Variants in TBCK observed in about 807,000 individuals in gnomAD.
The protein encoded by TBCK is TBC1 domain containing kinase.
In TBCK, 99 loss-of-function variants were observed where a neutral mutation model predicts 113.4. The observed-to-expected ratio is 0.87, with a 90% CI of 0.74 to 1.03. The LOEUF (loss-of-function observed/expected upper bound fraction) is 1.03, where lower values mean the gene tolerates loss of function less well. Ranked by LOEUF, TBCK falls within the 50% of genes least tolerant of loss-of-function variation. The pLI is 0.00. For missense variants in TBCK, 1,045 were observed against 1,061.3 expected, an observed-to-expected ratio of 0.98 and a Z score of 0.21; for synonymous variants, 369 against 370.8, an observed-to-expected ratio of 1.00 and a Z score of 0.05.
At position 106,128,257 on chromosome 4, in the gene TBCK, C is replaced by T. The variant is rs181107993; in HGVS notation, c.2236-11879G>A. Among the ~76,000 whole-genome samples, 147 of 152,206 alleles carry T rather than the reference C, an allele frequency of 9.7e-4. 1 individual carries two copies. Among genetic ancestry groups the T allele is most frequent in the African/African-American group, 3.5e-3 (145 of 41,536 alleles). Reference sequence around the variant, plus strand: ...GACTCCCAATTTTAGAAAAAGAAAACCCCATTGTAGAGCATACCAGAAGAA... The same window carrying T: ...GACTCCCAATTTTAGAAAAAGAAAATCCCATTGTAGAGCATACCAGAAGAA... On this transcript the variant is annotated intron_variant, in intron 23 of 25. Coordinates refer to ENST00000394708, the MANE Select transcript of TBCK (RefSeq NM_001163435.3).
intron 20 of TBCK, among the ~76,000 whole-genome samples, chr4:106,205,346 G>A (rs977666431): frequency 1.3e-5 from 2 of 152,040 alleles, no homozygotes; most frequent in Non-Finnish European, 2.9e-5. Context: ...TTATGTATGA[G>A]TAAAAGAGCC....
intron 3 of TBCK, among the ~76,000 whole-genome samples, chr4:106,273,377 T>C (rs764835679): frequency 6.6e-6 from 1 of 152,218 alleles, no homozygotes; most frequent in Non-Finnish European, 1.5e-5. Context: ...ACTTTGTTTA[T>C]AGGGGCAGCA....
chr4:106,242,762 T>G (rs1440419680), intron 11 of TBCK, among the ~76,000 whole-genome samples, 193 bp from the exon 12 acceptor site: 1 of 151,986 alleles, frequency 6.6e-6, no homozygotes, highest in Admixed American at 6.6e-5. Context: ...GTGCACAATG[T>G]GCAGGTTAGT....
intron 22 of TBCK, among the ~76,000 whole-genome samples, chr4:106,177,389 T>C (rs1364707846): frequency 6.6e-6 from 1 of 151,954 alleles, no homozygotes. Context: ...GTTTTTGTGG[T>C]CTGACCTCAA....
At chr4:106,127,319 C>A (rs1024316664) in intron 23 of TBCK, among the ~76,000 whole-genome samples, 1 of 150,098 alleles carries the variant, frequency 6.7e-6, no homozygotes, top group Non-Finnish European at 1.5e-5. Flanking sequence ...ATAAATATAT[C>A]AACGAAGAGA....
intron 24 of TBCK, among the ~76,000 whole-genome samples, chr4:106,107,543 T>TA (rs954590861): frequency 2.2e-4 from 34 of 152,010 alleles, no homozygotes; most frequent in African/African-American, 7.7e-4. Flanking sequence ...GACTTTTGGG[T>TA]AAAAAATAAA....
At chr4:106,250,605 GA>G in intron 6 of TBCK, 127 bp from the exon 7 acceptor site, 1 of 544,796 alleles carries the variant, frequency 1.8e-6, no homozygotes, top group Non-Finnish European at 3.3e-6. Context: ...AGTTTTAATG[GA>G]TTTTTAAAGT....
At chr4:106,134,179 A>T (rs779331249) in intron 23 of TBCK, among the ~76,000 whole-genome samples, 1 of 151,326 alleles carries the variant, frequency 6.6e-6, no homozygotes, top group African/African-American at 2.4e-5. Context: ...AAACTCTGAG[A>T]TTTTTTTTTA....
rs888684819 is a variant in TBCK, at chr4:106,247,466, G to C, written c.783-179C>G. The C allele has an allele frequency of 3.6e-5, 19 of 527,580 alleles. No homozygotes were observed. The African/African-American group carries it at 3.8e-4, about 11-fold the overall frequency. 32.7% of individuals were successfully genotyped at this position (527,580 alleles called of 1,614,324 possible). A position where few individuals can be genotyped will look rare whatever the true frequency, so the allele number is the denominator to read the frequency against. On this transcript the variant is annotated intron_variant, in intron 9 of 25. Transcript: ENST00000394708. Reference sequence around the variant, plus strand: ...TTATATTATAATCAAATAACTGTGAGTAAATACTGAATTTTTTTTACTTAT... The same window carrying C: ...TTATATTATAATCAAATAACTGTGACTAAATACTGAATTTTTTTTACTTAT...
chr4:106,115,032 A>G (rs1488742838), intron 24 of TBCK, among the ~76,000 whole-genome samples: 1 of 152,212 alleles, frequency 6.6e-6, no homozygotes, highest in African/African-American at 2.4e-5. Context: ...TGATAAGAAT[A>G]TATCATTTGA....
chr4:106,090,156 C>T (rs957485042), intron 25 of TBCK, among the ~76,000 whole-genome samples: 5 of 152,210 alleles, frequency 3.3e-5, no homozygotes, highest in African/African-American at 1.2e-4. Flanking sequence ...GTGGGAGTTG[C>T]GAAGCTTCCT....
chr4:106,214,576 G>T (rs914129727), intron 19 of TBCK, among the ~76,000 whole-genome samples: 1 of 152,166 alleles, frequency 6.6e-6, no homozygotes, highest in African/African-American at 2.4e-5. Context: ...ATGCAGAAGC[G>T]TCAGGAGCCG....
At chr4:106,201,022 T>C (rs1479062745) in intron 20 of TBCK, among the ~76,000 whole-genome samples, 1 of 152,058 alleles carries the variant, frequency 6.6e-6, no homozygotes, top group Non-Finnish European at 1.5e-5. Context: ...GATTTTGTTA[T>C]ATACCTATAC....
rs1017058564 is a variant in TBCK at position 106,044,775 on chromosome 4, A to G, written c.*1795T>C. On this transcript the variant is annotated 3_prime_UTR_variant, in exon 26 of 26. Coordinates refer to ENST00000394708, the MANE Select transcript of TBCK (RefSeq NM_001163435.3). The stretch of plus-strand genomic sequence containing the variant: ...TGAACTGTACATGTTAAAAGGATGA[A>G]TTTTATGGTTAAGTATATCTCAATT... 2.0e-5 allele frequency: 3 copies of G among 152,226 alleles called. No individual in the cohort carries two copies. The highest frequency in any genetic ancestry group is 7.2e-5 in the African/African-American group (3 of 41,454). 9.4% of individuals were successfully genotyped at this position (152,226 alleles called of 1,614,324 possible).
At position 106,116,247 on chromosome 4, in the gene TBCK, G is replaced by A; in HGVS notation, c.2367C>T (p.Ser789=). 6.2e-7 allele frequency: 1 copy of A among 1,613,984 alleles called. No homozygotes were observed. ...CAACCACCAGGAGCTTTGGTTTACTGGACTTTGTTTTCTTGCTGGGTGTTT... is the reference window on the plus strand; with the variant it reads ...CAACCACCAGGAGCTTTGGTTTACTAGACTTTGTTTTCTTGCTGGGTGTTT... ...HFKTPSKKTK[S]SKPKLLVVDI... is the part of the protein sequence containing the mutation. Residue 789 remains serine, a synonymous_variant, in exon 24 of 26, where the codon TCC becomes TCT. Coordinates refer to ENST00000394708, the MANE Select transcript of TBCK (RefSeq NM_001163435.3).
intron 25 of TBCK, among the ~76,000 whole-genome samples, chr4:106,063,846 G>A (rs909147052): frequency 8.6e-5 from 13 of 151,576 alleles, no homozygotes; most frequent in African/African-American, 3.2e-4. Context: ...ACTATGAAGT[G>A]GGCTCTTACC....
rs760473976 is a variant in TBCK, at chr4:106,149,262, C to T, written c.2235+21833G>A. On this transcript the variant is annotated intron_variant, in intron 23 of 25. Coordinates refer to ENST00000394708, the MANE Select transcript of TBCK (RefSeq NM_001163435.3). ...GCTTTCTTATCATCTGTTGTTCACT[C>T]GAGTAGCATTTTTAATTTCCTTTAA... is the stretch of plus-strand genomic sequence containing the variant. Among the ~76,000 whole-genome samples the T allele has an allele frequency of 5.3e-5, 8 of 152,296 alleles. No homozygotes were observed. In the East Asian group the frequency reaches 5.8e-4, roughly 11 times the overall value.
At chr4:106,235,416 T>A (rs1206467236) in intron 14 of TBCK, 49 bp from the exon 15 acceptor site, 2 of 1,302,882 alleles carry the variant, frequency 1.5e-6, no homozygotes, top group South Asian at 2.6e-5. Context: ...CCTAGTGCCA[T>A]CTTTTAGTCT....
At chr4:106,173,003 A>G (rs1751216132) in intron 22 of TBCK, among the ~76,000 whole-genome samples, 1 of 152,162 alleles carries the variant, frequency 6.6e-6, no homozygotes, top group Non-Finnish European at 1.5e-5. Flanking sequence ...GATTTGGAAT[A>G]TGAAAAGATA....
Sources: gnomAD v4.1 joint callset for allele counts (sites outside exome capture counted in the v4.1 genomes callset) on GRCh38, gnomAD v4.1.1 for gene constraint, MANE v1.5 for transcripts, NCBI Gene and HGNC (gene_info 2026-07-23, HGNC 2026-07-21) for gene names.